PPFIBP1: variants seen among roughly 807,000 people sequenced by gnomAD.
PPFIBP1 encodes the protein liprin-beta-1.
In PPFIBP1, 112 loss-of-function variants were observed where a neutral mutation model predicts 137.8. The observed-to-expected ratio is 0.81, with a 90% CI of 0.70 to 0.95. PPFIBP1 has a LOEUF of 0.95. Ranked by LOEUF, PPFIBP1 falls within the 40% of genes least tolerant of loss-of-function variation. PPFIBP1 has a pLI of 0.00. For missense variants in PPFIBP1, 1,083 were observed against 1,196.6 expected (o/e 0.91, Z 1.40); for synonymous variants, 378 against 417.3 (o/e 0.91, Z 1.15).
At chr12:27,586,831 A>G (rs1032502303) in intron 2 of PPFIBP1, among the ~76,000 whole-genome samples, 1 of 143,600 alleles carries the variant, frequency 7.0e-6, no homozygotes, top group African/African-American at 2.6e-5. Context: ...CATGGCTCAA[A>G]ATAAAAGAAA....
intron 4 of PPFIBP1, among the ~76,000 whole-genome samples, chr12:27,643,960 G>A (rs2058288736): frequency 6.8e-6 from 1 of 147,274 alleles, no homozygotes; most frequent in South Asian, 2.2e-4. Context: ...TTCTATTTGG[G>A]GCTAATTTTG....
chr12:27,552,025 A>G (rs11049044), intron 1 of PPFIBP1, among the ~76,000 whole-genome samples: 1 of 152,196 alleles, frequency 6.6e-6, no homozygotes, highest in Non-Finnish European at 1.5e-5. Context: ...CATCTTTAAA[A>G]CAAGGGGGAT....
At chr12:27,654,576 C>A in intron 7 of PPFIBP1, 146 bp from the exon 8 acceptor site, 1 of 1,003,024 alleles carries the variant, frequency 1.0e-6, no homozygotes. Flanking sequence ...TAAGGAGGTA[C>A]ATTTATTTCC....
rs144504690 is a variant in PPFIBP1 at position 27,692,968 on chromosome 12, G to C, written c.*86G>C. 479 of 1,539,004 alleles carry C rather than the reference G, an allele frequency of 3.1e-4. 2 individuals carry two copies. The Middle Eastern group carries it at 7.9e-3, about 25-fold the overall frequency. ...ACTCACAGTATATACAACAGGCAGC[G>C]GATTGTCTATTGTTTGTTGTTCCAA... is the stretch of plus-strand genomic sequence containing the variant. On this transcript the variant is annotated 3_prime_UTR_variant, in exon 30 of 30. Coordinates refer to ENST00000228425, the MANE Select transcript of PPFIBP1 (RefSeq NM_003622.4).
intron 25 of PPFIBP1, 123 bp from the exon 26 acceptor site, chr12:27,688,171 TTAAA>T (rs1168224012): frequency 5.1e-5 from 57 of 1,113,050 alleles, no homozygotes; most frequent in Non-Finnish European, 7.2e-5. Context: ...CAGAAATTCT[TTAAA>T]AGAGAATTTT....
intron 2 of PPFIBP1, chr12:27,584,433 G>A (rs1219229482): frequency 6.6e-6 from 1 of 152,250 alleles, no homozygotes; most frequent in South Asian, 2.1e-4. Flanking sequence ...CCTGCGCTGG[G>A]AACTCCGCCA....
At chr12:27,551,188 A>C (rs388923) in intron 1 of PPFIBP1, among the ~76,000 whole-genome samples, 5 of 152,062 alleles carry the variant, frequency 3.3e-5, no homozygotes, top group Non-Finnish European at 2.9e-5. Flanking sequence ...ACCTGGTTTG[A>C]GTTCCAGAAG....
intron 24 of PPFIBP1, among the ~76,000 whole-genome samples, chr12:27,684,994 G>C (rs1259057217): frequency 2.0e-5 from 3 of 151,994 alleles, no homozygotes; most frequent in African/African-American, 4.8e-5. Flanking sequence ...TCCTCCTTCT[G>C]TTCCAGGATC....
At chr12:27,644,244 G>GTTTTTTTTTTTTT (rs3842650) in intron 4 of PPFIBP1, among the ~76,000 whole-genome samples, 37 of 117,748 alleles carry the variant, frequency 3.1e-4, no homozygotes, top group South Asian at 1.4e-3. Context: ...GCTTGGCTAA[G>GTTTTTTTTTTTTT]TTTTTTTTTT....
intron 2 of PPFIBP1, among the ~76,000 whole-genome samples, chr12:27,631,399 A>G (rs551822058): frequency 6.1e-4 from 93 of 151,744 alleles, no homozygotes; most frequent in African/African-American, 2.1e-3. Flanking sequence ...TCCAAATTGG[A>G]CCCCCTTATC....
At chr12:27,650,165 CT>C in intron 7 of PPFIBP1, 24 bp downstream of exon 7, 1 of 806,704 alleles carries the variant, frequency 1.2e-6, no homozygotes, top group Non-Finnish European at 1.7e-6. Context: ...TCTCTCCTCC[CT>C]CTCTCTCTCT....
chr12:27,581,913 T>A (rs536663668), intron 2 of PPFIBP1, among the ~76,000 whole-genome samples: 2 of 152,120 alleles, frequency 1.3e-5, no homozygotes, highest in South Asian at 4.2e-4. Flanking sequence ...ACTTTTACCA[T>A]CAGATAGAGA....
chr12:27,572,166 ATTG>A (rs1248686709), intron 1 of PPFIBP1, among the ~76,000 whole-genome samples: 1 of 152,178 alleles, frequency 6.6e-6, no homozygotes, highest in Non-Finnish European at 1.5e-5. Context: ...GTTTTAATAC[ATTG>A]TTATGTAAAT....
intron 27 of PPFIBP1, among the ~76,000 whole-genome samples, 160 bp downstream of exon 27, chr12:27,689,363 A>T (rs1025274656): frequency 6.6e-6 from 1 of 152,100 alleles, no homozygotes; most frequent in Non-Finnish European, 1.5e-5. Flanking sequence ...TGGGAGAAAG[A>T]TGTTGGCCAA....
Position 27,671,490 on chromosome 12 carries a change from G to A in PPFIBP1, c.1206G>A (p.Met402Ile). 6.2e-7 allele frequency: 1 copy of A among 1,603,044 alleles called. No individual in the cohort carries two copies. The highest frequency in any genetic ancestry group is 8.5e-7 in the Non-Finnish European group (1 of 1,175,822). Residue 402 changes from methionine (M) to isoleucine (I), a missense_variant, in exon 14 of 30, where the codon ATG becomes ATA. Met to Ile is a conservative substitution (Grantham distance 10, BLOSUM62 1). Transcript: ENST00000228425. ...CATTATTGCCAGCAACTGTAAGCAT[G>A]GAAACTTCTGAAAAATCAAAGTTGA... ...IPSLLPATVS[M>I]ETSEKSKLTP...
At chr12:27,585,287 A>G (rs905400637) in intron 2 of PPFIBP1, among the ~76,000 whole-genome samples, 1 of 152,234 alleles carries the variant, frequency 6.6e-6, no homozygotes. Flanking sequence ...GAGAAGTAGA[A>G]AGATGTGGAT....
intron 2 of PPFIBP1, chr12:27,584,440 G>T (rs528507799): frequency 6.6e-6 from 1 of 152,356 alleles, no homozygotes; most frequent in South Asian, 2.1e-4. Context: ...TGGGAACTCC[G>T]CCATGGTGAC....
At chr12:27,637,609 T>C (rs2057776570) in intron 4 of PPFIBP1, among the ~76,000 whole-genome samples, 1 of 152,094 alleles carries the variant, frequency 6.6e-6, no homozygotes, top group African/African-American at 2.4e-5. Context: ...CCTTCCAAAT[T>C]AAGTGTGTTT....
chr12:27,534,655 C>A (rs1944795473), intron 1 of PPFIBP1, among the ~76,000 whole-genome samples: 1 of 151,938 alleles, frequency 6.6e-6, no homozygotes, highest in Non-Finnish European at 1.5e-5. Flanking sequence ...GTTCACAGGC[C>A]AACTTCTTGG....
Sources: allele counts gnomAD v4.1 joint callset (sites outside exome capture counted in the v4.1 genomes callset), GRCh38; gene constraint gnomAD v4.1.1; transcripts MANE v1.5; gene names NCBI Gene and HGNC (gene_info 2026-07-23, HGNC 2026-07-21).